RGS6: variants seen among roughly 807,000 people sequenced by gnomAD.
RGS6 encodes the protein regulator of G-protein signaling 6.
A neutral mutation model predicts 78.5 loss-of-function variants in RGS6; 30 were observed. That is an observed-to-expected ratio of 0.38 (90% confidence interval 0.29 to 0.52). RGS6 has a LOEUF of 0.52. Ranked by LOEUF, RGS6 falls within the 20% of genes least tolerant of loss-of-function variation. The probability of loss-of-function intolerance (pLI) is 0.85; values close to 1 mark genes in which losing one functional copy is unlikely to be tolerated. For missense variants in RGS6, 495 were observed against 609.7 expected, an observed-to-expected ratio of 0.81 and a Z score of 1.98; for synonymous variants, 206 against 206.0, an observed-to-expected ratio of 1.00 and a Z score of 0.00.
chr14:72,373,774 A>T (rs528150258), intron 3 of RGS6, among the ~76,000 whole-genome samples: 1 of 152,316 alleles, frequency 6.6e-6, no homozygotes, highest in Non-Finnish European at 1.5e-5. Context: ...GGCGTGTCTC[A>T]CTAAACCCCA....
chr14:72,357,507 G>A (rs561217401), intron 3 of RGS6, among the ~76,000 whole-genome samples: 1 of 152,206 alleles, frequency 6.6e-6, no homozygotes, highest in African/African-American at 2.4e-5. Flanking sequence ...GGCTGAGGTA[G>A]TCTCAGATGG....
At chr14:71,882,132 C>T in the RGS6 span, among the ~76,000 whole-genome samples, 569 of 152,290 alleles carry the variant, frequency 3.7e-3, 5 homozygotes, top group African/African-American at 0.013. Context: ...GGTAACCACT[C>T]TTCTATTTTC....
chr14:72,474,801 T>A, intron 10 of RGS6, 102 bp downstream of exon 10: 1 of 947,058 alleles, frequency 1.1e-6, no homozygotes, highest in Non-Finnish European at 1.6e-6. Flanking sequence ...TACCACCTTT[T>A]GTCATTTGAA....
At chr14:72,430,379 C>G (rs1435668143) in intron 3 of RGS6, among the ~76,000 whole-genome samples, 2 of 152,180 alleles carry the variant, frequency 1.3e-5, no homozygotes, top group Non-Finnish European at 2.9e-5. Context: ...TTCACATTCA[C>G]AAAAGCCCAA....
intron 2 of RGS6, among the ~76,000 whole-genome samples, chr14:72,142,449 A>T (rs2096553355): frequency 6.6e-6 from 1 of 152,162 alleles, no homozygotes; most frequent in South Asian, 2.1e-4. Context: ...TCTCTGCGTC[A>T]TTGCTTCGCC....
At chr14:72,348,754 CTG>C (rs2078537791) in intron 2 of RGS6, among the ~76,000 whole-genome samples, 2 of 152,346 alleles carry the variant, frequency 1.3e-5, no homozygotes, top group Middle Eastern at 3.4e-3. Context: ...GTCACTGACA[CTG>C]AATGTCAAGT....
intron 1 of RGS6, among the ~76,000 whole-genome samples, chr14:71,936,448 G>A (rs530159298): frequency 6.6e-6 from 1 of 152,126 alleles, no homozygotes; most frequent in Non-Finnish European, 1.5e-5. Context: ...ACACCCACAC[G>A]GACACACCCA....
At chr14:72,491,332 G>C (rs1470762305) in intron 12 of RGS6, among the ~76,000 whole-genome samples, 1 of 110,870 alleles carries the variant, frequency 9.0e-6, no homozygotes, top group East Asian at 4.1e-4. Context: ...ACAGCACTAT[G>C]TATATTAAAA....
the RGS6 span, among the ~76,000 whole-genome samples, chr14:72,624,481 G>A: frequency 6.6e-6 from 1 of 151,862 alleles, no homozygotes; most frequent in South Asian, 2.1e-4. Flanking sequence ...TGGGATTACA[G>A]GCATGTGCCA....
At chr14:72,470,265 T>C (rs527444954) in intron 8 of RGS6, among the ~76,000 whole-genome samples, 182 bp downstream of exon 8, 5 of 152,304 alleles carry the variant, frequency 3.3e-5, no homozygotes, top group South Asian at 4.1e-4. Context: ...AATCAATGCT[T>C]CTCTAAAGCA....
chr14:71,916,787 G>T, the RGS6 span, among the ~76,000 whole-genome samples: 2 of 152,162 alleles, frequency 1.3e-5, no homozygotes, highest in Non-Finnish European at 2.9e-5. Flanking sequence ...GTAGGGCAAA[G>T]GGTAAAGGAC....
intron 2 of RGS6, among the ~76,000 whole-genome samples, chr14:72,198,240 C>A (rs1177318185): frequency 6.6e-6 from 1 of 152,122 alleles, no homozygotes; most frequent in African/African-American, 2.4e-5. Flanking sequence ...GTAGTCCCAG[C>A]TACTCAGGAG....
Position 72,564,268 on chromosome 14 carries a change from C to T in RGS6, c.*1801C>T, listed in dbSNP as rs2097699753. On this transcript the variant is annotated 3_prime_UTR_variant, in exon 18 of 18. Coordinates refer to ENST00000553525, the MANE Select transcript of RGS6 (RefSeq NM_001204424.2). ...TCCTCTCTTGGAGGTACAGTGGAAACCAGAGAGATGACAGATGTTGAGTCC... is the reference window on the plus strand; with the variant it reads ...TCCTCTCTTGGAGGTACAGTGGAAATCAGAGAGATGACAGATGTTGAGTCC... 6.6e-6 allele frequency: 1 copy of T among 152,238 alleles called. No individual in the cohort carries two copies. The highest frequency in any genetic ancestry group is 2.4e-5 in the African/African-American group (1 of 41,462). The allele number at this position is 152,238 out of a possible 1,614,324, so 9.4% of individuals were successfully genotyped here. A position where few individuals can be genotyped will look rare whatever the true frequency, so the allele number is the denominator to read the frequency against.
chr14:72,508,236 G>T (rs2096833584), intron 13 of RGS6, among the ~76,000 whole-genome samples: 1 of 152,186 alleles, frequency 6.6e-6, no homozygotes, highest in Non-Finnish European at 1.5e-5. Context: ...GTAATTAGAA[G>T]ATACTGCTGT....
intron 2 of RGS6, among the ~76,000 whole-genome samples, chr14:72,028,525 T>TTC (rs1255945179): frequency 6.6e-6 from 1 of 152,246 alleles, no homozygotes; most frequent in Non-Finnish European, 1.5e-5. Flanking sequence ...GCTAATGCTA[T>TTC]ACTTCAAAGT....
chr14:72,341,135 C>T (rs2076908738), intron 2 of RGS6, among the ~76,000 whole-genome samples: 2 of 152,062 alleles, frequency 1.3e-5, no homozygotes, highest in Admixed American at 1.3e-4. Context: ...GTTTAATTGA[C>T]TTGCAGTTCC....
chr14:72,605,288 G>A, the RGS6 span, among the ~76,000 whole-genome samples: 4 of 152,316 alleles, frequency 2.6e-5, no homozygotes, highest in African/African-American at 9.6e-5. Context: ...CAGAGAGGGA[G>A]CAGGAGCAGG....
At chr14:72,596,966 C>G in the RGS6 span, among the ~76,000 whole-genome samples, 12 of 152,146 alleles carry the variant, frequency 7.9e-5, no homozygotes, top group African/African-American at 2.9e-4. Flanking sequence ...AGGCCAGGCA[C>G]GGTGGCTCAC....
intron 2 of RGS6, among the ~76,000 whole-genome samples, chr14:72,079,505 A>AT (rs1180020365): frequency 6.6e-6 from 1 of 152,204 alleles, no homozygotes; most frequent in Non-Finnish European, 1.5e-5. Flanking sequence ...TAATTAACAC[A>AT]TGCCTCACCT....
Sources: gnomAD v4.1 joint callset for allele counts (sites outside exome capture counted in the v4.1 genomes callset) on GRCh38, gnomAD v4.1.1 for gene constraint, MANE v1.5 for transcripts, NCBI Gene and HGNC (gene_info 2026-07-23, HGNC 2026-07-21) for gene names.